Variants in AEBP2 observed in about 807,000 individuals in gnomAD.
AEBP2 encodes the protein zinc finger protein AEBP2.
AEBP2 carries 10 observed loss-of-function variants against 50.8 expected under a neutral mutation model. That is an observed-to-expected ratio of 0.20 (90% confidence interval 0.12 to 0.33). The LOEUF is 0.33. Among genes scored for constraint, AEBP2 ranks in the 10% least tolerant of loss-of-function variants. AEBP2 has a pLI of 1.00. For missense variants in AEBP2, 570 were observed against 688.0 expected, an observed-to-expected ratio of 0.83 and a Z score of 1.92; for synonymous variants, 296 against 261.3, an observed-to-expected ratio of 1.13 and a Z score of -1.28.
intron 1 of AEBP2, among the ~76,000 whole-genome samples, chr12:19,426,591 G>A (rs1488999540): frequency 6.6e-6 from 1 of 152,112 alleles, no homozygotes; most frequent in Non-Finnish European, 1.5e-5. Context: ...GGACTAAGGG[G>A]TGCCCAGATA....
At chr12:19,457,266 A>G in intron 1 of AEBP2, 1 of 1,588,032 alleles carries the variant, frequency 6.3e-7, no homozygotes, top group Non-Finnish European at 8.5e-7. Context: ...TACCAGCTTC[A>G]AATTCACCAA....
intron 1 of AEBP2, among the ~76,000 whole-genome samples, chr12:19,433,949 T>G (rs1399123410): frequency 6.6e-6 from 1 of 151,870 alleles, no homozygotes; most frequent in Non-Finnish European, 1.5e-5. Flanking sequence ...TGGGTTCAAG[T>G]GATTCCTCTG....
intron 1 of AEBP2, among the ~76,000 whole-genome samples, chr12:19,426,039 G>A (rs564005601): frequency 1.2e-3 from 185 of 152,150 alleles, no homozygotes; most frequent in African/African-American, 4.3e-3. Flanking sequence ...TGGCTCAAGC[G>A]ATCCTCCCAC....
At chr12:19,442,675 T>C (rs761889537) in intron 1 of AEBP2, among the ~76,000 whole-genome samples, 12 of 152,228 alleles carry the variant, frequency 7.9e-5, no homozygotes, top group South Asian at 2.1e-4. Flanking sequence ...TTTTAGAGAC[T>C]ACAGAATACT....
At chr12:19,473,082 C>T (rs1948594237) in intron 2 of AEBP2, among the ~76,000 whole-genome samples, 166 bp from the exon 3 acceptor site, 1 of 151,984 alleles carries the variant, frequency 6.6e-6, no homozygotes, top group South Asian at 2.1e-4. Context: ...GTGGCTTATA[C>T]TAGGATGTTT....
intron 1 of AEBP2, among the ~76,000 whole-genome samples, chr12:19,417,285 TTC>T (rs761479093): frequency 6.0e-4 from 92 of 152,340 alleles, no homozygotes; most frequent in Admixed American, 2.4e-3. Flanking sequence ...CCGTACAACT[TTC>T]TTTTCTTTGA....
chr12:19,508,159 T>G (rs1490490715), intron 5 of AEBP2, among the ~76,000 whole-genome samples: 6 of 152,200 alleles, frequency 3.9e-5, no homozygotes, highest in African/African-American at 1.4e-4. Context: ...TAAATTTTGT[T>G]GCCAAGTCTA....
chr12:19,429,180 A>T (rs1365108220), intron 1 of AEBP2, among the ~76,000 whole-genome samples: 5 of 151,890 alleles, frequency 3.3e-5, no homozygotes, highest in African/African-American at 9.7e-5. Context: ...TCCTGTGTCC[A>T]TGTGTTCTCA....
chr12:19,482,888 G>A (rs1351492695), intron 3 of AEBP2, among the ~76,000 whole-genome samples: 1 of 152,106 alleles, frequency 6.6e-6, no homozygotes, highest in Non-Finnish European at 1.5e-5. Context: ...AGTCCTGGTT[G>A]CGAGAGACCT....
At chr12:19,507,593 C>T (rs1427978376) in intron 5 of AEBP2, among the ~76,000 whole-genome samples, 1 of 152,130 alleles carries the variant, frequency 6.6e-6, no homozygotes, top group African/African-American at 2.4e-5. Context: ...ACCCTTAAGT[C>T]ACAGTGAGGA....
At chr12:19,459,262 C>T (rs1296902955) in intron 1 of AEBP2, among the ~76,000 whole-genome samples, 2 of 151,870 alleles carry the variant, frequency 1.3e-5, no homozygotes, top group African/African-American at 2.4e-5. Context: ...GACAGAGTCT[C>T]GCTCTGTTGC....
chr12:19,520,077 T>C lies in AEBP2; in HGVS notation c.*1960T>C, dbSNP rs753887687. 1.3e-5 allele frequency: 2 copies of C among 152,638 alleles called. No individual in the cohort carries two copies. Among genetic ancestry groups the C allele is most frequent in the Non-Finnish European group, 2.9e-5 (2 of 68,014 alleles). The allele number at this position is 152,638 out of a possible 1,614,324, so 9.5% of individuals were successfully genotyped here. On this transcript the variant is annotated 3_prime_UTR_variant, in exon 8 of 8. Transcript: ENST00000266508. ...GTTCTTTTTAAAATTTGATTTGTTA[T>C]AAAATTGCCAAATAGAAGTGTTTCA... is the stretch of plus-strand genomic sequence containing the variant.
intron 1 of AEBP2, among the ~76,000 whole-genome samples, chr12:19,461,865 C>CT (rs1009014279): frequency 7.3e-5 from 11 of 150,852 alleles, no homozygotes; most frequent in Non-Finnish European, 1.2e-4. Flanking sequence ...CATTTTCAGT[C>CT]TTTTTTTTTA....
At chr12:19,463,853 A>T (rs914012750) in intron 2 of AEBP2, among the ~76,000 whole-genome samples, 1 of 151,640 alleles carries the variant, frequency 6.6e-6, no homozygotes, top group Non-Finnish European at 1.5e-5. Flanking sequence ...TTTAGTAGAG[A>T]TGAGGTTTTG....
intron 3 of AEBP2, among the ~76,000 whole-genome samples, chr12:19,478,256 C>T (rs1034148652): frequency 5.9e-5 from 9 of 152,082 alleles, no homozygotes; most frequent in Admixed American, 5.2e-4. Flanking sequence ...TTCTCTAGTT[C>T]CTTGAGGTAT....
chr12:19,477,857 C>T (rs1948672087), intron 3 of AEBP2, among the ~76,000 whole-genome samples: 1 of 152,114 alleles, frequency 6.6e-6, no homozygotes, highest in African/African-American at 2.4e-5. Flanking sequence ...TTAAGATTGG[C>T]ACCAGTTTTT....
chr12:19,518,418 A>C lies in AEBP2; in HGVS notation c.*301A>C. Reference sequence around the variant, plus strand: ...TAGAACAGCTTCTTAAAGGCTTTGCATGCTTGCTGCTTTAAGCTGCTTTTT... The same window carrying C: ...TAGAACAGCTTCTTAAAGGCTTTGCCTGCTTGCTGCTTTAAGCTGCTTTTT... On this transcript the variant is annotated 3_prime_UTR_variant, in exon 8 of 8. Transcript: ENST00000266508. 1 of 1,231,544 alleles carries C rather than the reference A, an allele frequency of 8.1e-7. No individual in the cohort carries two copies. The highest frequency in any genetic ancestry group is 1.0e-6 in the Non-Finnish European group (1 of 985,492). The allele number at this position is 1,231,544 out of a possible 1,614,324, so 76.3% of individuals were successfully genotyped here.
At chr12:19,456,512 C>G in intron 1 of AEBP2, 1 of 1,516,918 alleles carries the variant, frequency 6.6e-7, no homozygotes, top group East Asian at 2.3e-5. Context: ...TTTCCTTCAG[C>G]TCAGCAAACT....
chr12:19,408,120 G>T (rs1212093260), intron 1 of AEBP2, among the ~76,000 whole-genome samples: 1 of 151,920 alleles, frequency 6.6e-6, no homozygotes, highest in African/African-American at 2.4e-5. Flanking sequence ...TTTTTGTAAG[G>T]ATTAAGTTTG....
Sources: gnomAD v4.1 joint callset for allele counts (sites outside exome capture counted in the v4.1 genomes callset) on GRCh38, gnomAD v4.1.1 for gene constraint, MANE v1.5 for transcripts, NCBI Gene and HGNC (gene_info 2026-07-23, HGNC 2026-07-21) for gene names.